Variants in CUL1 observed in about 807,000 individuals in gnomAD.
CUL1 encodes cullin 1.
In CUL1, 24 loss-of-function variants were observed where a neutral mutation model predicts 118.0. The ratio of observed to expected loss-of-function variants is 0.20; its 90% confidence interval spans 0.15 to 0.29. The LOEUF (loss-of-function observed/expected upper bound fraction) is 0.29, where lower values mean the gene tolerates loss of function less well. Among genes scored for constraint, CUL1 ranks in the 10% least tolerant of loss-of-function variants. The pLI is 1.00. For synonymous variants in CUL1, 332 were observed against 340.4 expected, an observed-to-expected ratio of 0.98 and a Z score of 0.27; for missense variants, 361 against 933.8, an observed-to-expected ratio of 0.39 and a Z score of 7.99.
intron 2 of CUL1, among the ~76,000 whole-genome samples, chr7:148,750,847 T>A (rs571601249): frequency 6.6e-6 from 1 of 152,158 alleles, no homozygotes; most frequent in East Asian, 1.9e-4. Flanking sequence ...GACCCGTGCC[T>A]GTATTTTCAG....
At chr7:148,702,952 C>G (rs879619017) in intron 1 of CUL1, among the ~76,000 whole-genome samples, 1 of 152,288 alleles carries the variant, frequency 6.6e-6, no homozygotes, top group African/African-American at 2.4e-5. Context: ...TTACAGTGCC[C>G]TCTGAAGTGT....
At chr7:148,713,171 A>G (rs966953488) in intron 1 of CUL1, among the ~76,000 whole-genome samples, 3 of 152,222 alleles carry the variant, frequency 2.0e-5, no homozygotes, top group Admixed American at 6.5e-5. Flanking sequence ...AGTGAATGCA[A>G]GTACTTGGAA....
intron 1 of CUL1, among the ~76,000 whole-genome samples, chr7:148,705,041 A>T (rs1797839830): frequency 6.6e-6 from 1 of 152,174 alleles, no homozygotes; most frequent in African/African-American, 2.4e-5. Flanking sequence ...GTTGGGCTGT[A>T]TTTCCAGCGG....
At chr7:148,725,217 G>GCACACACACACA (rs1204605614) in intron 1 of CUL1, among the ~76,000 whole-genome samples, 1 of 75,534 alleles carries the variant, frequency 1.3e-5, no homozygotes, top group African/African-American at 4.3e-5. Flanking sequence ...ACACACGCGC[G>GCACACACACACA]CGCTCACACA....
intron 2 of CUL1, among the ~76,000 whole-genome samples, chr7:148,752,553 C>G (rs530106225): frequency 6.6e-6 from 1 of 151,020 alleles, no homozygotes; most frequent in East Asian, 2.0e-4. Context: ...ATATTTTGTT[C>G]ATGTTTCCAT....
intron 17 of CUL1, among the ~76,000 whole-genome samples, chr7:148,795,610 C>T (rs925419131): frequency 1.3e-5 from 2 of 151,864 alleles, no homozygotes; most frequent in Non-Finnish European, 2.9e-5. Flanking sequence ...ACTAAAAATA[C>T]AAAAACAAAA....
At chr7:148,728,184 A>G (rs1404679805) in intron 1 of CUL1, among the ~76,000 whole-genome samples, 2 of 152,204 alleles carry the variant, frequency 1.3e-5, no homozygotes, top group African/African-American at 4.8e-5. Context: ...CAGGTTTCTG[A>G]CTTGTGGATA....
At chr7:148,755,060 G>C (rs1584793440) in intron 3 of CUL1, among the ~76,000 whole-genome samples, 1 of 152,190 alleles carries the variant, frequency 6.6e-6, no homozygotes, top group Admixed American at 6.5e-5. Context: ...GCCATGACGT[G>C]TATTTCAAAA....
chr7:148,707,483 CTT>C (rs945104701), intron 1 of CUL1, among the ~76,000 whole-genome samples: 7 of 152,184 alleles, frequency 4.6e-5, no homozygotes, highest in African/African-American at 1.4e-4. Context: ...GTTGAGATCA[CTT>C]TTTATTTTTT....
chr7:148,800,024 CAG>C lies in CUL1; in HGVS notation c.2251-477_2251-476del, dbSNP rs1479438368. 6.6e-6 allele frequency among the ~76,000 whole-genome samples: 1 copy of C among 152,168 alleles called. No homozygotes were observed. Among genetic ancestry groups the C allele is most frequent in the Non-Finnish European group, 1.5e-5 (1 of 68,026 alleles). On this transcript the variant is annotated intron_variant, in intron 21 of 21. Coordinates refer to ENST00000325222, the MANE Select transcript of CUL1 (RefSeq NM_003592.3). The surrounding 1 kb of genome is among the most constrained non-coding windows in gnomAD (Gnocchi z 4.6). ...GTAAGTCACAGCCAGTGGAGAGACT[CAG>C]GGGTGGCATTGACAGGTGACTTCCC...
intron 19 of CUL1, 40 bp downstream of exon 19, chr7:148,798,059 A>G: frequency 8.1e-7 from 1 of 1,239,066 alleles, no homozygotes; most frequent in Non-Finnish European, 1.2e-6. Flanking sequence ...TTGACCATAG[A>G]CACGTCCCCC....
chr7:148,719,330 T>G (rs186993244), intron 1 of CUL1, among the ~76,000 whole-genome samples: 1 of 151,992 alleles, frequency 6.6e-6, no homozygotes, highest in Non-Finnish European at 1.5e-5. Context: ...ATAAAATAAC[T>G]TAGCTACTGT....
At chr7:148,745,643 G>A (rs1489919044) in intron 2 of CUL1, among the ~76,000 whole-genome samples, 1 of 152,182 alleles carries the variant, frequency 6.6e-6, no homozygotes, top group African/African-American at 2.4e-5. Flanking sequence ...CTGGAGGTAG[G>A]GGGTAGAAAG....
intron 1 of CUL1, among the ~76,000 whole-genome samples, chr7:148,715,821 C>G (rs1417037276): frequency 6.6e-6 from 1 of 152,288 alleles, no homozygotes; most frequent in East Asian, 1.9e-4. Context: ...TTTCTAGTTT[C>G]AGGCTTCTTC....
Position 148,703,536 on chromosome 7 carries a change from TTTTTTG to T in CUL1, c.-162+4513_-162+4518del, listed in dbSNP as rs546165557. ...CTAGTGAAGGTTTTTTTGTTTTTTG[TTTTTTG>T]TTTTTTTTGAGACAGAGTCTCACTC... On this transcript the variant is annotated intron_variant, in intron 1 of 21. Coordinates refer to ENST00000325222, the MANE Select transcript of CUL1 (RefSeq NM_003592.3). Among the ~76,000 whole-genome samples the T allele has an allele frequency of 6.8e-4, 101 of 148,800 alleles. 2 individuals are homozygous for T. The South Asian group carries it at 0.021, about 31-fold the overall frequency.
At chr7:148,769,450 A>AC (rs1554471403) in intron 9 of CUL1, among the ~76,000 whole-genome samples, 1,708 of 104,848 alleles carry the variant, frequency 0.016, 30 homozygotes, top group Non-Finnish European at 0.025. Context: ...CACACACACA[A>AC]AACGCTCACC....
intron 1 of CUL1, among the ~76,000 whole-genome samples, chr7:148,717,467 A>G (rs1430016249): frequency 6.6e-6 from 1 of 151,378 alleles, no homozygotes; most frequent in African/African-American, 2.4e-5. Flanking sequence ...TACCTGTGTC[A>G]CCCCATCCGG....
At chr7:148,730,336 A>C (rs1798718089) in intron 2 of CUL1, 74 bp downstream of exon 2, 7 of 1,445,622 alleles carry the variant, frequency 4.8e-6, no homozygotes, top group Non-Finnish European at 6.5e-6. Flanking sequence ...GAATTATTAG[A>C]ATTTTATATT....
At chr7:148,737,576 A>ATATTTATT (rs200912415) in intron 2 of CUL1, among the ~76,000 whole-genome samples, 1,865 of 126,968 alleles carry the variant, frequency 0.015, 32 homozygotes, top group Middle Eastern at 0.049. Flanking sequence ...ATATATTTTT[A>ATATTTATT]TATTTATTTA....
Sources: gnomAD v4.1 joint callset for allele counts (sites outside exome capture counted in the v4.1 genomes callset) on GRCh38, gnomAD v4.1.1 for gene constraint, Gnocchi (gnomAD v3.1) non-coding constraint, MANE v1.5 for transcripts, NCBI Gene and HGNC (gene_info 2026-07-23, HGNC 2026-07-21) for gene names.